Variants in CNTNAP4 observed in about 807,000 individuals in gnomAD.
CNTNAP4 encodes contactin-associated protein-like 4.
Under a neutral mutation model 148.4 loss-of-function variants are expected in CNTNAP4, and 98 were observed. The ratio of observed to expected loss-of-function variants is 0.66; its 90% CI spans 0.56 to 0.78. CNTNAP4 has a LOEUF of 0.78. CNTNAP4 is among the 30% of genes least tolerant of loss of function. The probability of loss-of-function intolerance (pLI) is 0.00; values close to 1 mark genes in which losing one functional copy is unlikely to be tolerated. For missense variants in CNTNAP4, 1,935 were observed against 1,565.6 expected, an observed-to-expected ratio of 1.24 and a Z score of -3.98; for synonymous variants, 730 against 565.1, an observed-to-expected ratio of 1.29 and a Z score of -4.14.
chr16:76,376,479 T>C (rs1597364362), intron 3 of CNTNAP4, among the ~76,000 whole-genome samples: 1 of 150,800 alleles, frequency 6.6e-6, no homozygotes. Flanking sequence ...AAGACAGGTT[T>C]AGACTTCAGT....
intron 4 of CNTNAP4, among the ~76,000 whole-genome samples, chr16:76,431,569 C>T (rs532054302): frequency 6.6e-6 from 1 of 152,220 alleles, no homozygotes; most frequent in South Asian, 2.1e-4. Context: ...ATCCTAGCTA[C>T]TTGGGAGGCT....
chr16:76,413,745 TCTA>T (rs979941318), intron 3 of CNTNAP4, among the ~76,000 whole-genome samples: 16 of 151,340 alleles, frequency 1.1e-4, no homozygotes, highest in African/African-American at 3.1e-4. Context: ...ATATGTATTT[TCTA>T]CTATAAACCT....
At chr16:76,481,130 A>G (rs560659943) in intron 12 of CNTNAP4, among the ~76,000 whole-genome samples, 1 of 152,318 alleles carries the variant, frequency 6.6e-6, no homozygotes, top group Admixed American at 6.5e-5. Context: ...GGTGGCATTG[A>G]TATGTAATGA....
At position 76,475,980 on chromosome 16, in the gene CNTNAP4, A is replaced by C; in HGVS notation, c.1697A>C (p.Gln566Pro). ...NYCEHGGECS[Q>P]SWSTFHCNCT... The stretch of plus-strand genomic sequence containing the variant: ...TGTGAACACGGTGGGGAGTGTTCCC[A>C]GTCCTGGAGCACCTTTCATTGTAAC... Residue 566 changes from glutamine to proline, a missense_variant, in exon 11 of 24, where the codon CAG becomes CCG. Gln to Pro is a moderately conservative substitution (Grantham distance 76). Coordinates refer to ENST00000611870, the MANE Select transcript of CNTNAP4 (RefSeq NM_033401.5). 1 of 1,613,932 alleles carries C rather than the reference A, an allele frequency of 6.2e-7. No individual in the cohort carries two copies. Among genetic ancestry groups the C allele is most frequent in the Non-Finnish European group, 8.5e-7 (1 of 1,179,828 alleles).
intron 2 of CNTNAP4, among the ~76,000 whole-genome samples, chr16:76,326,901 TAACA>T (rs1312340706): frequency 1.3e-5 from 2 of 152,014 alleles, no homozygotes; most frequent in South Asian, 2.1e-4. Flanking sequence ...TATACATATG[TAACA>T]AACCTGCACG....
chr16:76,521,381 A>C, intron 16 of CNTNAP4, 71 bp downstream of exon 16: 1 of 1,267,558 alleles, frequency 7.9e-7, no homozygotes, highest in Non-Finnish European at 1.1e-6. Context: ...CTAATTTTTA[A>C]ACTACTCATG....
intron 7 of CNTNAP4, among the ~76,000 whole-genome samples, chr16:76,450,361 G>A (rs886178188): frequency 6.6e-6 from 1 of 152,066 alleles, no homozygotes; most frequent in Non-Finnish European, 1.5e-5. Context: ...TGTTAGCCAG[G>A]CTGATCTTGA....
chr16:76,444,255 C>G (rs976977735), intron 4 of CNTNAP4, among the ~76,000 whole-genome samples: 120 of 152,196 alleles, frequency 7.9e-4, no homozygotes, highest in African/African-American at 2.8e-3. Flanking sequence ...GAGCAAAAAT[C>G]TACAGATTAT....
At chr16:76,537,982 T>C in intron 18 of CNTNAP4, 134 bp from the exon 19 acceptor site, 1 of 344,876 alleles carries the variant, frequency 2.9e-6, no homozygotes, top group Non-Finnish European at 5.0e-6. Flanking sequence ...CTTACTTTAT[T>C]ATTTGATTCT....
At chr16:76,292,476 C>T (rs1959153670) in intron 1 of CNTNAP4, among the ~76,000 whole-genome samples, 1 of 152,142 alleles carries the variant, frequency 6.6e-6, no homozygotes, top group Admixed American at 6.5e-5. Context: ...CCCTCAGCGG[C>T]ATTACCAATC....
rs563947782 is a variant in CNTNAP4 at position 76,402,224 on chromosome 16, G to C, written c.391-25228G>C. ...TGATTCAATTTTGGAGCTCATTATTGGTCTGTTCAGGGAATCAATTTCTTC... is the reference window on the plus strand; with the variant it reads ...TGATTCAATTTTGGAGCTCATTATTCGTCTGTTCAGGGAATCAATTTCTTC... On this transcript the variant is annotated intron_variant, in intron 3 of 23. Coordinates refer to ENST00000611870, the MANE Select transcript of CNTNAP4 (RefSeq NM_033401.5). 1.7e-4 allele frequency among the ~76,000 whole-genome samples: 26 copies of C among 152,130 alleles called. No individual in the cohort carries two copies. In the South Asian group the frequency reaches 4.4e-3, roughly 25 times the overall value.
rs1297290967 is a variant in CNTNAP4, at chr16:76,521,108, ATTTTTTTTTCTT to A, written c.2366-21_2366-10del. On this transcript the variant is annotated intron_variant, in intron 15 of 23. Coordinates refer to ENST00000611870, the MANE Select transcript of CNTNAP4 (RefSeq NM_033401.5). ...TTTCATGAATTTGTTTTCTTTCTGA[ATTTTTTTTTCTT>A]TTTTTTTTTCACAAAACAGGATCAT... 2 of 1,478,288 alleles carry A rather than the reference ATTTTTTTTTCTT, an allele frequency of 1.4e-6. No homozygotes were observed. Among genetic ancestry groups the A allele is most frequent in the Non-Finnish European group, 1.8e-6 (2 of 1,125,472 alleles). The allele number at this position is 1,478,288 out of a possible 1,614,324, so 91.6% of individuals were successfully genotyped here.
At chr16:76,555,015 T>C (rs1056794549) in intron 23 of CNTNAP4, among the ~76,000 whole-genome samples, 3 of 151,996 alleles carry the variant, frequency 2.0e-5, no homozygotes, top group African/African-American at 7.2e-5. Flanking sequence ...ACTTTAAAAT[T>C]GTATCTCCCT....
rs144860925 is a variant in CNTNAP4, at chr16:76,404,445, GAC to G, written c.391-22993_391-22992del. Among the ~76,000 whole-genome samples, 273 of 150,684 alleles carry G rather than the reference GAC, an allele frequency of 1.8e-3. 1 individual carries two copies. Among genetic ancestry groups the G allele is most frequent in the African/African-American group, 6.0e-3 (248 of 41,124 alleles). On this transcript the variant is annotated intron_variant, in intron 3 of 23. Coordinates refer to ENST00000611870, the MANE Select transcript of CNTNAP4 (RefSeq NM_033401.5). ...AAAGCAATGCTATCACACACACACA[GAC>G]ACACACACACACAAAGAGGTCAATA...
chr16:76,317,294 C>A (rs76907266), intron 2 of CNTNAP4, among the ~76,000 whole-genome samples: 35,349 of 130,910 alleles, frequency 0.27, 5,269 homozygotes, highest in Non-Finnish European at 0.35. Flanking sequence ...AAAAAAAACC[C>A]AAAAAACCCC....
intron 15 of CNTNAP4, among the ~76,000 whole-genome samples, chr16:76,519,049 T>A (rs550728204): frequency 6.6e-6 from 1 of 152,288 alleles, no homozygotes; most frequent in African/African-American, 2.4e-5. Context: ...TGGGTGTCTC[T>A]TAGCACAGGG....
At chr16:76,519,055 CAG>C (rs2083360591) in intron 15 of CNTNAP4, among the ~76,000 whole-genome samples, 1 of 152,106 alleles carries the variant, frequency 6.6e-6, no homozygotes, top group Non-Finnish European at 1.5e-5. Context: ...TCTCTTAGCA[CAG>C]GGGGTAAAGG....
intron 2 of CNTNAP4, among the ~76,000 whole-genome samples, chr16:76,339,074 T>G (rs1042290561): frequency 2.0e-5 from 3 of 152,164 alleles, no homozygotes; most frequent in African/African-American, 7.2e-5. Flanking sequence ...GTTTCTGTGT[T>G]TGAAATTCTG....
At chr16:76,288,601 C>G (rs1958984982) in intron 1 of CNTNAP4, among the ~76,000 whole-genome samples, 1 of 152,156 alleles carries the variant, frequency 6.6e-6, no homozygotes, top group African/African-American at 2.4e-5. Flanking sequence ...TTTGCTTATT[C>G]CTGCCCTGAT....
Sources: allele counts gnomAD v4.1 joint callset (sites outside exome capture counted in the v4.1 genomes callset), GRCh38; gene constraint gnomAD v4.1.1; transcripts MANE v1.5; gene names NCBI Gene and HGNC (gene_info 2026-07-23, HGNC 2026-07-21).